PACRG: variants seen among roughly 807,000 people sequenced by gnomAD.
PACRG encodes parkin coregulated.
Under a neutral mutation model 29.7 loss-of-function variants are expected in PACRG, and 29 were observed. The observed-to-expected ratio is 0.98, with a 90% CI of 0.73 to 1.33. PACRG has a LOEUF of 1.33. Among genes scored for constraint, PACRG ranks in the 40% most tolerant of loss-of-function variants. The probability of loss-of-function intolerance (pLI) is 0.00; values close to 1 mark genes in which losing one functional copy is unlikely to be tolerated. For missense variants in PACRG, 279 were observed against 316.2 expected, an observed-to-expected ratio of 0.88 and a Z score of 0.89; for synonymous variants, 116 against 118.7, an observed-to-expected ratio of 0.98 and a Z score of 0.15.
In PACRG at chr6:162,830,733, G is replaced by A. The variant is rs527313239; in HGVS notation, c.291+16452G>A. 3.1e-4 allele frequency among the ~76,000 whole-genome samples: 47 copies of A among 152,340 alleles called. 1 individual carries two copies. The South Asian group carries it at 5.2e-3, about 17-fold the overall frequency. Reference sequence around the variant, plus strand: ...GGGGGTAGACGTCTTACATTAAAACGATGTTTACTTATCAAGCATTTAGTT... The same window carrying A: ...GGGGGTAGACGTCTTACATTAAAACAATGTTTACTTATCAAGCATTTAGTT... On this transcript the variant is annotated intron_variant, in intron 2 of 4. Coordinates refer to ENST00000366888, the MANE Select transcript of PACRG (RefSeq NM_001080379.2).
chr6:163,113,290 T>C (rs968858197), intron 4 of PACRG, among the ~76,000 whole-genome samples: 3 of 152,174 alleles, frequency 2.0e-5, no homozygotes, highest in Non-Finnish European at 4.4e-5. Flanking sequence ...ATGTTCATTG[T>C]GGGATTCTAG....
intron 4 of PACRG, among the ~76,000 whole-genome samples, chr6:163,155,602 C>T (rs1277409034): frequency 5.9e-5 from 9 of 152,230 alleles, no homozygotes; most frequent in Non-Finnish European, 1.2e-4. Flanking sequence ...GGCCATGCAA[C>T]AGGGAAAGTT....
chr6:163,210,433 TC>T (rs1175948855), intron 4 of PACRG, among the ~76,000 whole-genome samples: 2 of 152,070 alleles, frequency 1.3e-5, no homozygotes, highest in Non-Finnish European at 2.9e-5. Flanking sequence ...TTAAAAAATA[TC>T]CCCACTGAAA....
intron 2 of PACRG, among the ~76,000 whole-genome samples, chr6:162,922,561 T>TC (rs1021144758): frequency 1.3e-5 from 2 of 151,694 alleles, no homozygotes; most frequent in Non-Finnish European, 2.9e-5. Flanking sequence ...CCTCCTTATT[T>TC]CCCCCCATCC....
chr6:162,875,529 T>C (rs1195764293), intron 2 of PACRG, among the ~76,000 whole-genome samples: 1 of 152,246 alleles, frequency 6.6e-6, no homozygotes, highest in East Asian at 1.9e-4. Flanking sequence ...CCTCCATCTT[T>C]TCTCGTTAAA....
chr6:162,852,703 T>C (rs73603881), intron 2 of PACRG, among the ~76,000 whole-genome samples: 5,324 of 152,308 alleles, frequency 0.035, 312 homozygotes, highest in African/African-American at 0.12. Flanking sequence ...GCCTATGTTT[T>C]ATTTTATAGA....
chr6:162,734,626 C>T (rs980404737), intron 1 of PACRG, among the ~76,000 whole-genome samples: 1 of 152,038 alleles, frequency 6.6e-6, no homozygotes, highest in African/African-American at 2.4e-5. Flanking sequence ...CTTTTCCAAC[C>T]AATCTTATGA....
chr6:163,121,124 G>A (rs952115259), intron 4 of PACRG, among the ~76,000 whole-genome samples: 5 of 152,158 alleles, frequency 3.3e-5, no homozygotes, highest in Non-Finnish European at 7.3e-5. Flanking sequence ...GTGAATGAAT[G>A]CCTGAAATAT....
intron 2 of PACRG, among the ~76,000 whole-genome samples, chr6:162,883,098 T>C (rs1295315654): frequency 6.6e-6 from 1 of 152,244 alleles, no homozygotes; most frequent in Non-Finnish European, 1.5e-5. Flanking sequence ...ATGAAACTAA[T>C]TTTTAAATGA....
At chr6:162,835,389 T>A (rs1321754929) in intron 2 of PACRG, among the ~76,000 whole-genome samples, 1 of 152,144 alleles carries the variant, frequency 6.6e-6, no homozygotes, top group East Asian at 1.9e-4. Flanking sequence ...CCTACTCTTT[T>A]TATTGCTATT....
At position 162,787,602 on chromosome 6, in the gene PACRG, A is replaced by C. The variant is rs879597154; in HGVS notation, c.157-26545A>C. On this transcript the variant is annotated intron_variant, in intron 1 of 4. Coordinates refer to ENST00000366888, the MANE Select transcript of PACRG (RefSeq NM_001080379.2). ...TGTGTGTATATATATATATATATAT[A>C]TATATATATATATATATATGGTTGT... Among the ~76,000 whole-genome samples the C allele has an allele frequency of 6.5e-5, 9 of 138,476 alleles. 1 individual carries two copies. Among genetic ancestry groups the C allele is most frequent in the Admixed American group, 4.5e-4 (6 of 13,482 alleles). The allele number at this position is 138,476 out of a possible 152,430, so 90.8% of individuals were successfully genotyped here. A position where few individuals can be genotyped will look rare whatever the true frequency, so the allele number is the denominator to read the frequency against.
chr6:162,988,272 A>G (rs1442709788), intron 2 of PACRG, among the ~76,000 whole-genome samples: 1 of 152,130 alleles, frequency 6.6e-6, no homozygotes, highest in East Asian at 1.9e-4. Context: ...TGTGAATTTC[A>G]CTAGGGACAC....
chr6:162,815,606 T>C (rs1787267788), intron 2 of PACRG, among the ~76,000 whole-genome samples: 1 of 151,786 alleles, frequency 6.6e-6, no homozygotes, highest in Non-Finnish European at 1.5e-5. Context: ...TCCTTTATAA[T>C]AGTGTCTGTT....
chr6:162,891,095 T>G (rs1794721434), intron 2 of PACRG, among the ~76,000 whole-genome samples: 1 of 152,176 alleles, frequency 6.6e-6, no homozygotes. Flanking sequence ...AGCTTAGGTT[T>G]AACGACTAAA....
intron 2 of PACRG, among the ~76,000 whole-genome samples, chr6:163,022,541 C>T (rs1344799644): frequency 2.0e-5 from 3 of 152,170 alleles, no homozygotes; most frequent in Admixed American, 2.0e-4. Flanking sequence ...GGAGCAGCTT[C>T]GAGGCATTTG....
At chr6:162,796,302 A>T (rs985401645) in intron 1 of PACRG, among the ~76,000 whole-genome samples, 10 of 152,018 alleles carry the variant, frequency 6.6e-5, no homozygotes, top group African/African-American at 2.4e-4. Context: ...GTTTTTCTTT[A>T]TGATCAAAAC....
intron 2 of PACRG, among the ~76,000 whole-genome samples, chr6:162,914,501 CTTTTTTGTTTT>C (rs1796550654): frequency 1.4e-5 from 1 of 73,206 alleles, no homozygotes. Context: ...AAGTTTTGTA[CTTTTTTGTTTT>C]TTTTTTTTTT....
chr6:163,043,639 A>G (rs558206192), intron 2 of PACRG, among the ~76,000 whole-genome samples: 1 of 152,360 alleles, frequency 6.6e-6, no homozygotes, highest in Admixed American at 6.5e-5. Flanking sequence ...CCTACAAGGC[A>G]GGCTGAAAAT....
chr6:163,030,617 A>C (rs1039363767), intron 2 of PACRG, among the ~76,000 whole-genome samples: 19 of 152,190 alleles, frequency 1.2e-4, no homozygotes, highest in Admixed American at 2.6e-4. Context: ...GTTTATTAAG[A>C]AAGTACAGGA....
Sources: allele counts gnomAD v4.1 joint callset (sites outside exome capture counted in the v4.1 genomes callset), GRCh38; gene constraint gnomAD v4.1.1; transcripts MANE v1.5; gene names NCBI Gene and HGNC (gene_info 2026-07-23, HGNC 2026-07-21).